Variants in SHISA9 observed in about 807,000 individuals in gnomAD.
The protein encoded by SHISA9 is shisa family member 9.
A neutral mutation model predicts 38.0 loss-of-function variants in SHISA9; 13 were observed. The observed-to-expected ratio is 0.34, with a 90% CI of 0.22 to 0.54. SHISA9 has a LOEUF of 0.54. SHISA9 is among the 20% of genes least tolerant of loss of function. The pLI, the probability that SHISA9 is intolerant of heterozygous loss-of-function variation, is 0.91. For missense variants in SHISA9, 538 were observed against 575.8 expected, an observed-to-expected ratio of 0.93 and a Z score of 0.67; for synonymous variants, 275 against 242.0, an observed-to-expected ratio of 1.14 and a Z score of -1.27.
rs5815735 is a variant in SHISA9, at chr16:13,039,485, G to GT, written c.691+122690dup. 8.8e-3 allele frequency among the ~76,000 whole-genome samples: 1,122 copies of GT among 126,800 alleles called. 13 individuals are homozygous for GT. The highest frequency in any genetic ancestry group is 0.031 in the South Asian group (119 of 3,846). The allele number at this position is 126,800 out of a possible 152,430, so 83.2% of individuals were successfully genotyped here. On this transcript the variant is annotated intron_variant, in intron 2 of 4. Transcript: ENST00000558583. ...CTGCCCAATGTGTCAATGTCATGGG[G>GT]TTTTTTTTTTTTTTTTTTTTGAAAC... is the stretch of plus-strand genomic sequence containing the variant.
the SHISA9 span, among the ~76,000 whole-genome samples, chr16:13,434,511 A>G: frequency 2.0e-5 from 3 of 146,364 alleles, no homozygotes; most frequent in East Asian, 2.1e-4. Flanking sequence ...TCCGCCTCCC[A>G]GGTTCACACC....
intron 2 of SHISA9, among the ~76,000 whole-genome samples, chr16:12,974,109 A>G (rs1384871288): frequency 6.6e-6 from 1 of 152,128 alleles, no homozygotes; most frequent in Admixed American, 6.5e-5. Flanking sequence ...AAGGCCTAGG[A>G]AGAAAAGGGA....
the SHISA9 span, among the ~76,000 whole-genome samples, chr16:13,299,033 C>A: frequency 6.6e-6 from 1 of 152,184 alleles, no homozygotes; most frequent in Non-Finnish European, 1.5e-5. Flanking sequence ...AAGGATAAGG[C>A]AAGGACTGCC....
At chr16:13,278,033 T>G in the SHISA9 span, among the ~76,000 whole-genome samples, 1 of 152,056 alleles carries the variant, frequency 6.6e-6, no homozygotes, top group Non-Finnish European at 1.5e-5. Context: ...CCTCATTCAG[T>G]GTTATGTTGG....
intron 2 of SHISA9, among the ~76,000 whole-genome samples, chr16:12,984,847 G>T (rs1380233924): frequency 6.6e-6 from 1 of 152,142 alleles, no homozygotes; most frequent in African/African-American, 2.4e-5. Context: ...GAGTAAGTCT[G>T]TACGGCCTGA....
the SHISA9 span, among the ~76,000 whole-genome samples, chr16:13,367,712 G>GTGCGCGCACA: frequency 1.4e-4 from 15 of 104,690 alleles, no homozygotes; most frequent in African/African-American, 4.9e-4. Flanking sequence ...GCGCGCGCGC[G>GTGCGCGCACA]CACACACACA....
intron 2 of SHISA9, among the ~76,000 whole-genome samples, chr16:12,939,193 C>G (rs1467601341): frequency 6.6e-6 from 1 of 152,106 alleles, no homozygotes; most frequent in Non-Finnish European, 1.5e-5. Context: ...AAGCGATTCT[C>G]CTGCCTTAGC....
the SHISA9 span, among the ~76,000 whole-genome samples, chr16:13,414,276 T>C: frequency 6.6e-6 from 1 of 152,310 alleles, no homozygotes; most frequent in Non-Finnish European, 1.5e-5. Flanking sequence ...AAAAGTCCTG[T>C]TGTGAAAGCA....
At chr16:13,314,193 T>C in the SHISA9 span, among the ~76,000 whole-genome samples, 2 of 146,110 alleles carry the variant, frequency 1.4e-5, no homozygotes, top group African/African-American at 5.1e-5. Context: ...TATTCTTTCA[T>C]TTTTATTTCA....
At chr16:13,442,875 C>A in the SHISA9 span, among the ~76,000 whole-genome samples, 1 of 152,270 alleles carries the variant, frequency 6.6e-6, no homozygotes, top group East Asian at 1.9e-4. Flanking sequence ...TTTGCAACTT[C>A]CAGTGAGTCC....
the SHISA9 span, among the ~76,000 whole-genome samples, chr16:13,282,506 A>G: frequency 3.3e-5 from 5 of 152,036 alleles, no homozygotes; most frequent in South Asian, 8.3e-4. Context: ...TTCTTGAACT[A>G]TAACTTACTG....
At chr16:13,227,481 G>A (rs1898685) in intron 4 of SHISA9, among the ~76,000 whole-genome samples, 18,940 of 152,234 alleles carry the variant, frequency 0.12, 1,471 homozygotes, top group Admixed American at 0.27. Flanking sequence ...GTGGTCCCAC[G>A]TGAGATGTAA....
intron 4 of SHISA9, among the ~76,000 whole-genome samples, chr16:13,215,662 G>A (rs922384037): frequency 1.2e-4 from 19 of 152,284 alleles, no homozygotes; most frequent in African/African-American, 4.6e-4. Flanking sequence ...GCAAGGAGCT[G>A]TTTTCTACCC....
intron 2 of SHISA9, among the ~76,000 whole-genome samples, chr16:12,945,043 T>C (rs542368455): frequency 6.6e-6 from 1 of 152,282 alleles, no homozygotes; most frequent in East Asian, 1.9e-4. Flanking sequence ...CTGGGGGGCT[T>C]ATCCACCAAA....
At chr16:13,251,609 T>G in the SHISA9 span, among the ~76,000 whole-genome samples, 1 of 152,176 alleles carries the variant, frequency 6.6e-6, no homozygotes, top group Admixed American at 6.5e-5. Context: ...AGGGTCCTAG[T>G]GGGTTGGAAC....
chr16:13,065,776 C>T lies in SHISA9; in HGVS notation c.692-137618C>T, dbSNP rs184393833. 2.6e-5 allele frequency among the ~76,000 whole-genome samples: 4 copies of T among 152,360 alleles called. No homozygotes were observed. The East Asian group carries it at 7.7e-4, about 29-fold the overall frequency. On this transcript the variant is annotated intron_variant, in intron 2 of 4. Transcript: ENST00000558583. The stretch of plus-strand genomic sequence containing the variant: ...GAAAGGCAGAAGCAAAGACTGTTGT[C>T]TGGTGCTCCTAGAATCTCCGCTTGT...
At chr16:13,136,245 T>A (rs1468407124) in intron 2 of SHISA9, among the ~76,000 whole-genome samples, 1 of 152,064 alleles carries the variant, frequency 6.6e-6, no homozygotes, top group Non-Finnish European at 1.5e-5. Flanking sequence ...TATAGGGCAA[T>A]ATTTACCCTA....
intron 2 of SHISA9, among the ~76,000 whole-genome samples, chr16:13,167,674 C>T (rs958196512): frequency 6.6e-6 from 1 of 152,148 alleles, no homozygotes; most frequent in Non-Finnish European, 1.5e-5. Flanking sequence ...GCACCTTCCC[C>T]CCTTCTCTCT....
chr16:13,382,661 C>A, the SHISA9 span, among the ~76,000 whole-genome samples: 1 of 151,816 alleles, frequency 6.6e-6, no homozygotes, highest in Non-Finnish European at 1.5e-5. Context: ...GAGTTTGAGA[C>A]AAGCTTGACC....
Sources: gnomAD v4.1 joint callset for allele counts (sites outside exome capture counted in the v4.1 genomes callset) on GRCh38, gnomAD v4.1.1 for gene constraint, MANE v1.5 for transcripts, NCBI Gene and HGNC (gene_info 2026-07-23, HGNC 2026-07-21) for gene names.